DMD: variants seen among roughly 807,000 people sequenced by gnomAD.
DMD encodes dystrophin.
DMD carries 63 observed loss-of-function variants against 330.1 expected under a neutral mutation model. The ratio of observed to expected loss-of-function variants is 0.19; its 90% CI spans 0.16 to 0.24. The LOEUF is 0.24. DMD is among the 10% of genes least tolerant of loss of function. The probability of loss-of-function intolerance (pLI) is 1.00; values close to 1 mark genes in which losing one functional copy is unlikely to be tolerated. For synonymous variants in DMD, 1,223 were observed against 959.8 expected, an observed-to-expected ratio of 1.27 and a Z score of -5.07; for missense variants, 3,344 against 2,684.1, an observed-to-expected ratio of 1.25 and a Z score of -5.43.
chrX:32,750,270 G>A (rs2070641194), intron 7 of DMD, among the ~76,000 whole-genome samples: 4 of 111,489 alleles, frequency 3.6e-5, no homozygotes, highest in Non-Finnish European at 5.6e-5. Flanking sequence ...ATCCATCCTT[G>A]AGAAAGCTAG....
chrX:32,467,666 G>A (rs1240345044), intron 23 of DMD, among the ~76,000 whole-genome samples: 12 of 103,400 alleles, frequency 1.2e-4, no homozygotes, highest in Non-Finnish European at 2.3e-4. Context: ...ATATATACAT[G>A]TTATATGTAT....
chrX:32,187,594 T>C (rs2096953293), intron 44 of DMD, among the ~76,000 whole-genome samples: 1 of 111,925 alleles, frequency 8.9e-6, no homozygotes, highest in Non-Finnish European at 1.9e-5. Flanking sequence ...GTTTCTGCTA[T>C]TGAAACAAAA....
chrX:32,468,259 T>C (rs1330514355), intron 23 of DMD, among the ~76,000 whole-genome samples: 1 of 111,124 alleles, frequency 9.0e-6, no homozygotes, highest in South Asian at 3.8e-4. Context: ...GTTTAATTCC[T>C]ATTGGTAATG....
intron 74 of DMD, among the ~76,000 whole-genome samples, chrX:31,156,232 G>A (rs1234535662): frequency 9.0e-6 from 1 of 111,462 alleles, no homozygotes; most frequent in Non-Finnish European, 1.9e-5. Context: ...AAAACATTCA[G>A]AGCCTTACTT....
At chrX:32,745,049 G>C (rs2069800582) in intron 7 of DMD, among the ~76,000 whole-genome samples, 1 of 111,812 alleles carries the variant, frequency 8.9e-6, no homozygotes, top group South Asian at 3.7e-4. Context: ...TTGAGATGTA[G>C]ATTGTTATTG....
At chrX:33,292,189 A>AT (rs2053522340) in intron 1 of DMD, among the ~76,000 whole-genome samples, 1 of 111,126 alleles carries the variant, frequency 9.0e-6, no homozygotes, top group South Asian at 3.7e-4. Flanking sequence ...TTTTGGAATC[A>AT]TTTTTTTATA....
At chrX:32,991,267 T>C (rs1230648356) in intron 2 of DMD, among the ~76,000 whole-genome samples, 1 of 111,805 alleles carries the variant, frequency 8.9e-6, no homozygotes, top group Non-Finnish European at 1.9e-5. Context: ...ATTTCTCTTA[T>C]ATTCAAAAGT....
chrX:31,961,954 G>A (rs1728222068), intron 45 of DMD, among the ~76,000 whole-genome samples: 1 of 110,165 alleles, frequency 9.1e-6, no homozygotes, highest in South Asian at 3.8e-4. Flanking sequence ...AAGGTTGGTA[G>A]GAAGAAATTG....
chrX:32,775,846 T>C (rs1048767929), intron 7 of DMD, among the ~76,000 whole-genome samples: 2 of 112,959 alleles, frequency 1.8e-5, no homozygotes, highest in African/African-American at 6.4e-5. Flanking sequence ...ACTTACTCCC[T>C]AGAAAATGGG....
chrX:31,381,565 G>A lies in DMD; in HGVS notation c.9085-32931C>T, dbSNP rs770041029. The stretch of plus-strand genomic sequence containing the variant: ...TTGTTCCTGGCCCAGACTTCAATCC[G>A]GCCTCCCACATTATTCCTGATACCA... On this transcript the variant is annotated intron_variant, in intron 60 of 78. Coordinates refer to ENST00000357033, the MANE Select transcript of DMD (RefSeq NM_004006.3). Among the ~76,000 whole-genome samples, 1,015 of 111,120 alleles carry A rather than the reference G, an allele frequency of 9.1e-3. 1 individual carries two copies. The highest frequency in any genetic ancestry group is 0.023 in the South Asian group (61 of 2,607).
chrX:32,168,096 C>T (rs747149458), intron 44 of DMD, among the ~76,000 whole-genome samples: 8 of 112,072 alleles, frequency 7.1e-5, no homozygotes, highest in Admixed American at 3.8e-4. Flanking sequence ...CTCTGAAGAC[C>T]GTGCTGCCCA....
At chrX:32,144,005 T>G (rs2096766873) in intron 44 of DMD, among the ~76,000 whole-genome samples, 1 of 111,721 alleles carries the variant, frequency 9.0e-6, no homozygotes, top group African/African-American at 3.3e-5. Context: ...TCTTAAGACT[T>G]GCCCATCTCC....
intron 55 of DMD, among the ~76,000 whole-genome samples, chrX:31,543,027 AC>A (rs2073924572): frequency 8.9e-6 from 1 of 111,951 alleles, no homozygotes; most frequent in East Asian, 2.8e-4. Flanking sequence ...AGGACATGGG[AC>A]GCCTCCGTGT....
intron 19 of DMD, among the ~76,000 whole-genome samples, chrX:32,497,913 C>G (rs768875487): frequency 9.0e-6 from 1 of 111,533 alleles, no homozygotes; most frequent in South Asian, 3.7e-4. Context: ...ATTATTAAAG[C>G]ATTAGAAAGA....
intron 51 of DMD, among the ~76,000 whole-genome samples, chrX:31,765,272 T>C (rs1020735969): frequency 8.9e-6 from 1 of 112,122 alleles, no homozygotes; most frequent in Admixed American, 9.4e-5. Flanking sequence ...AATTGATCAG[T>C]TGATTTATTC....
intron 1 of DMD, among the ~76,000 whole-genome samples, chrX:33,163,976 C>T (rs762575060): frequency 8.1e-5 from 9 of 110,705 alleles, no homozygotes; most frequent in African/African-American, 3.0e-4. Context: ...CCATATGCTC[C>T]CCCCACCCTA....
At chrX:32,516,601 G>A (rs2045885329) in intron 18 of DMD, 1 of 111,563 alleles carries the variant, frequency 9.0e-6, no homozygotes, top group African/African-American at 3.2e-5. Context: ...AAACCTGTGA[G>A]AATCAGATCA....
intron 62 of DMD, among the ~76,000 whole-genome samples, chrX:31,285,733 T>A (rs1448829021): frequency 8.9e-6 from 1 of 112,026 alleles, no homozygotes; most frequent in Non-Finnish European, 1.9e-5. Context: ...AAACTCCAGC[T>A]GGCATATCAT....
chrX:32,529,075 C>A (rs1304692232), intron 17 of DMD, among the ~76,000 whole-genome samples: 1 of 107,034 alleles, frequency 9.3e-6, no homozygotes, highest in African/African-American at 3.4e-5. Context: ...GCGCCTGCCG[C>A]CACGTCTGGC....
Sources: allele counts gnomAD v4.1 joint callset (sites outside exome capture counted in the v4.1 genomes callset), GRCh38; gene constraint gnomAD v4.1.1; transcripts MANE v1.5; gene names NCBI Gene and HGNC (gene_info 2026-07-23, HGNC 2026-07-21).